KCTD5: variants seen among roughly 807,000 people sequenced by gnomAD.
KCTD5 encodes BTB/POZ domain-containing protein KCTD5.
KCTD5 carries 12 observed loss-of-function variants against 27.9 expected under a neutral mutation model. The ratio of observed to expected loss-of-function variants is 0.43; its 90% CI spans 0.28 to 0.70. The LOEUF (loss-of-function observed/expected upper bound fraction) is 0.70. Ranked by LOEUF, KCTD5 falls within the 30% of genes least tolerant of loss-of-function variation. The probability of loss-of-function intolerance (pLI) is 0.19; values close to 1 mark genes in which losing one functional copy is unlikely to be tolerated. For missense variants in KCTD5, 226 were observed against 274.8 expected (o/e 0.82, Z 1.26); for synonymous variants, 147 against 121.4 (o/e 1.21, Z -1.39).
At chr16:2,687,712 C>G (rs561133345) in intron 1 of KCTD5, among the ~76,000 whole-genome samples, 1 of 152,186 alleles carries the variant, frequency 6.6e-6, no homozygotes, top group East Asian at 1.9e-4. Flanking sequence ...CCTTTTCAGA[C>G]ACTTGTAGGC....
rs1192531062 is a variant in KCTD5, at chr16:2,692,934, G to C, written c.253-3001G>C. 3.3e-5 allele frequency among the ~76,000 whole-genome samples: 5 copies of C among 152,286 alleles called. No individual in the cohort carries two copies. In the East Asian group the frequency reaches 9.6e-4, roughly 29 times the overall value. Reference sequence around the variant, plus strand: ...GATGCCTGAGGCTGTGGTTTGGGCAGCTGCAGTTGTGGGCCTGCCTGCTCC... The same window carrying C: ...GATGCCTGAGGCTGTGGTTTGGGCACCTGCAGTTGTGGGCCTGCCTGCTCC... On this transcript the variant is annotated intron_variant, in intron 1 of 5. Transcript: ENST00000301738.
chr16:2,692,958 CCGTGGAGCGGGAAGCCCGGGT>C (rs1481181642), intron 1 of KCTD5, among the ~76,000 whole-genome samples: 1 of 152,268 alleles, frequency 6.6e-6, no homozygotes, highest in Non-Finnish European at 1.5e-5. Flanking sequence ...CCTGCCTGCT[CCGTGGAGCGGGAAGCCCGGGT>C]CTGCAGCCAT....
chr16:2,693,132 C>G (rs983514048), intron 1 of KCTD5, among the ~76,000 whole-genome samples: 1 of 152,246 alleles, frequency 6.6e-6, no homozygotes, highest in Non-Finnish European at 1.5e-5. Context: ...TGGTGCCACT[C>G]TCACTACCCA....
At chr16:2,692,443 T>G (rs1025934200) in intron 1 of KCTD5, among the ~76,000 whole-genome samples, 3 of 152,184 alleles carry the variant, frequency 2.0e-5, no homozygotes, top group Non-Finnish European at 1.5e-5. Context: ...CCGGACTGGC[T>G]GGCTCCTCTC....
intron 1 of KCTD5, among the ~76,000 whole-genome samples, chr16:2,688,121 C>A (rs2067548625): frequency 1.3e-5 from 2 of 151,572 alleles, no homozygotes; most frequent in African/African-American, 4.9e-5. Flanking sequence ...ATGTGATGCC[C>A]CCGCCCCGTA....
chr16:2,699,301 G>A, intron 3 of KCTD5: 1 of 443,326 alleles, frequency 2.3e-6, no homozygotes, highest in Non-Finnish European at 4.6e-6. Context: ...GGCACAGCAA[G>A]CGTGCCAGGC....
At chr16:2,685,198 C>T (rs899342140) in intron 1 of KCTD5, among the ~76,000 whole-genome samples, 2 of 151,968 alleles carry the variant, frequency 1.3e-5, no homozygotes, top group South Asian at 2.1e-4. Flanking sequence ...GGCCGAGGCG[C>T]GTGAATCACC....
Position 2,691,453 on chromosome 16 carries a change from G to A in KCTD5, c.253-4482G>A, listed in dbSNP as rs183364353. ...CGCCCTTCAGCCTCTGGTGCCCGGC[G>A]GCTCAGCTGGGTTCTAGGGCCACGC... On this transcript the variant is annotated intron_variant, in intron 1 of 5. Transcript: ENST00000301738. Among the ~76,000 whole-genome samples, 756 of 152,344 alleles carry A rather than the reference G, an allele frequency of 5.0e-3. 2 individuals carry two copies. The highest frequency in any genetic ancestry group is 7.5e-3 in the Non-Finnish European group (511 of 68,026).
At chr16:2,690,638 G>A (rs1204566208) in intron 1 of KCTD5, among the ~76,000 whole-genome samples, 2 of 152,208 alleles carry the variant, frequency 1.3e-5, no homozygotes, top group Non-Finnish European at 2.9e-5. Context: ...CGCCCAGCCC[G>A]CAGCATCTCA....
intron 2 of KCTD5, among the ~76,000 whole-genome samples, chr16:2,696,548 A>G (rs1029067745): frequency 6.6e-6 from 1 of 152,236 alleles, no homozygotes; most frequent in African/African-American, 2.4e-5. Context: ...GACGGCGCCC[A>G]CACGCGTTGG....
chr16:2,701,138 C>A (rs2067610150), intron 4 of KCTD5, among the ~76,000 whole-genome samples: 1 of 152,230 alleles, frequency 6.6e-6, no homozygotes, highest in African/African-American at 2.4e-5. Flanking sequence ...TGGGAGGGAA[C>A]AATGTCTCCT....
chr16:2,683,991 T>G (rs2067529337), intron 1 of KCTD5: 1 of 149,224 alleles, frequency 6.7e-6, no homozygotes, highest in East Asian at 1.9e-4. Context: ...AACTTCCAAC[T>G]GTTTCCATTG....
chr16:2,700,095 G>A lies in KCTD5; in HGVS notation c.549+179G>A, dbSNP rs187752013. Among the ~76,000 whole-genome samples, 499 of 152,320 alleles carry A rather than the reference G, an allele frequency of 3.3e-3. 3 individuals are homozygous for A. The highest frequency in any genetic ancestry group is 0.012 in the African/African-American group (480 of 41,574). ...TCCACTGGAGGAGCCTTGGGAGTTC[G>A]GGTGGGGTGGGCAGAGGTGTCTCAG... On this transcript the variant is annotated intron_variant, in intron 4 of 5. Coordinates refer to ENST00000301738, the MANE Select transcript of KCTD5 (RefSeq NM_018992.4).
chr16:2,700,502 G>T (rs2067606668), intron 4 of KCTD5, among the ~76,000 whole-genome samples: 1 of 147,104 alleles, frequency 6.8e-6, no homozygotes, highest in African/African-American at 2.5e-5. Context: ...ATTGTGGCTT[G>T]TCATCGGGGA....
chr16:2,707,352 A>G lies in KCTD5; in HGVS notation c.*25A>G. 2 of 1,612,934 alleles carry G rather than the reference A, an allele frequency of 1.2e-6. 1 individual carries two copies. The highest frequency in any genetic ancestry group is 2.2e-5 in the South Asian group (2 of 91,066). On this transcript the variant is annotated 3_prime_UTR_variant, in exon 6 of 6. Coordinates refer to ENST00000301738, the MANE Select transcript of KCTD5 (RefSeq NM_018992.4). ...AGGGACACAGTATTGACAGCTGAAG[A>G]AATGATTTACGTTTTCCCGAGATGT...
At chr16:2,688,247 T>TATATA (rs1567193128) in intron 1 of KCTD5, among the ~76,000 whole-genome samples, 27 of 106,074 alleles carry the variant, frequency 2.5e-4, no homozygotes, top group East Asian at 2.1e-3. Context: ...ATATATATAT[T>TATATA]TATTTATTTA....
intron 1 of KCTD5, among the ~76,000 whole-genome samples, chr16:2,687,513 G>C (rs2067545049): frequency 6.6e-6 from 1 of 152,234 alleles, no homozygotes; most frequent in Non-Finnish European, 1.5e-5. Context: ...CCACCTGCCT[G>C]TTTTTGCAAG....
At chr16:2,698,938 C>T (rs566155819) in intron 3 of KCTD5, among the ~76,000 whole-genome samples, 8 of 152,312 alleles carry the variant, frequency 5.3e-5, no homozygotes, top group African/African-American at 9.6e-5. Context: ...ACCTGTATGA[C>T]GCAGGTGGGC....
chr16:2,697,848 C>T (rs925764335), intron 2 of KCTD5, 58 bp from the exon 3 acceptor site: 87 of 1,232,826 alleles, frequency 7.1e-5, no homozygotes, highest in Non-Finnish European at 9.4e-5. Flanking sequence ...GGGTGTAAAG[C>T]GTGGATTCTT....
Sources: allele counts gnomAD v4.1 joint callset (sites outside exome capture counted in the v4.1 genomes callset), GRCh38; gene constraint gnomAD v4.1.1; transcripts MANE v1.5; gene names NCBI Gene and HGNC (gene_info 2026-07-23, HGNC 2026-07-21).